The following ARHGAP22 variants were observed in gnomAD, a reference collection of about 807,000 sequenced individuals.
The protein encoded by ARHGAP22 is Rho GTPase activating protein 22.
A neutral mutation model predicts 59.1 loss-of-function variants in ARHGAP22; 48 were observed. The observed-to-expected ratio is 0.81, with a 90% CI of 0.64 to 1.03. The LOEUF is 1.03. Among genes scored for constraint, ARHGAP22 ranks in the 50% least tolerant of loss-of-function variants. The pLI is 0.00. For missense variants in ARHGAP22, 1,015 were observed against 958.7 expected (o/e 1.06, Z -0.78); for synonymous variants, 445 against 416.4 (o/e 1.07, Z -0.84).
At chr10:48,471,502 G>A (rs2048223888) in intron 4 of ARHGAP22, among the ~76,000 whole-genome samples, 1 of 152,156 alleles carries the variant, frequency 6.6e-6, no homozygotes, top group Non-Finnish European at 1.5e-5. Flanking sequence ...CATCTCCACT[G>A]GTTTAATGAC....
chr10:48,596,343 G>T (rs2060065378), intron 1 of ARHGAP22, among the ~76,000 whole-genome samples: 1 of 152,206 alleles, frequency 6.6e-6, no homozygotes, highest in South Asian at 2.1e-4. Context: ...AGAGCTAACG[G>T]GGGACAGATG....
intron 3 of ARHGAP22, among the ~76,000 whole-genome samples, chr10:48,502,348 G>C (rs1589791105): frequency 6.6e-6 from 1 of 152,198 alleles, no homozygotes; most frequent in African/African-American, 2.4e-5. Context: ...TGTGGGAACA[G>C]CTGGGGAATG....
At position 48,604,937 on chromosome 10, in the gene ARHGAP22, T is replaced by G; in HGVS notation, c.-141A>C. On this transcript the variant is annotated 5_prime_UTR_variant, in exon 1 of 10. Coordinates refer to ENST00000249601, the MANE Select transcript of ARHGAP22 (RefSeq NM_021226.4). ...CGCTGGCGTCACCCGTCAGGCTCCC[T>G]CGGCTACCTCTCCTGGCTCCGGACG... is the stretch of plus-strand genomic sequence containing the variant. 1 of 1,545,702 alleles carries G rather than the reference T, an allele frequency of 6.5e-7. No homozygotes were observed. The highest frequency in any genetic ancestry group is 2.4e-5 in the East Asian group (1 of 41,326).
downstream of ARHGAP22, chr10:48,445,996 A>C: frequency 3.7e-6 from 1 of 266,872 alleles, no homozygotes. Flanking sequence ...TGTGTCCTGT[A>C]TTGCGAGGCA....
chr10:48,483,703 C>G lies in ARHGAP22; in HGVS notation c.323-3939G>C, dbSNP rs1381826255. Among the ~76,000 whole-genome samples the G allele has an allele frequency of 6.6e-5, 10 of 151,988 alleles. 2 individuals are homozygous for G. The highest frequency in any genetic ancestry group is 6.5e-4 in the Admixed American group (10 of 15,274). ...TTGTATGTCTTCTTTTGTGGAATGT[C>G]TATAGGATCCTTTGCCCACTTTTTA... On this transcript the variant is annotated intron_variant, in intron 3 of 9. Coordinates refer to ENST00000249601, the MANE Select transcript of ARHGAP22 (RefSeq NM_021226.4).
At chr10:48,454,562 C>A (rs773889460) in intron 6 of ARHGAP22, among the ~76,000 whole-genome samples, 1 of 152,134 alleles carries the variant, frequency 6.6e-6, no homozygotes, top group Non-Finnish European at 1.5e-5. Context: ...CGGGTGGGGA[C>A]GGGAGGGCTG....
intron 3 of ARHGAP22, among the ~76,000 whole-genome samples, chr10:48,554,019 G>A (rs1332250688): frequency 6.6e-6 from 1 of 152,136 alleles, no homozygotes; most frequent in Admixed American, 6.5e-5. Flanking sequence ...CTTTTCTCCT[G>A]GTTCCACAGT....
rs528378504 is a variant in ARHGAP22 at position 48,450,465 on chromosome 10, G to A, written c.1664C>T (p.Pro555Leu). 16 of 1,543,830 alleles carry A rather than the reference G, an allele frequency of 1.0e-5. No homozygotes were observed. In the East Asian group the frequency reaches 2.4e-4, roughly 23 times the overall value. ...TDWALEPSPL[P>L]SSSEDPKSLD... ...GGACTTGGGGTCCTCGCTGCTGCTG[G>A]GGAGCGGGGAGGGCTCCAGGGCCCA... Residue 555 changes from proline to leucine, a missense_variant, in exon 9 of 10, where the codon CCC becomes CTC. Pro to Leu is a moderately conservative substitution (Grantham distance 98). Coordinates refer to ENST00000249601, the MANE Select transcript of ARHGAP22 (RefSeq NM_021226.4).
intron 9 of ARHGAP22, among the ~76,000 whole-genome samples, chr10:48,447,107 G>C (rs111274487): frequency 0.082 from 12,499 of 152,152 alleles, 859 homozygotes; most frequent in Admixed American, 0.22. Context: ...TTCCCTTCCT[G>C]CTCTCCCGTC....
chr10:48,631,254 T>G (rs534806358), intron 1 of ARHGAP22, among the ~76,000 whole-genome samples: 1 of 152,346 alleles, frequency 6.6e-6, no homozygotes, highest in Non-Finnish European at 1.5e-5. Flanking sequence ...TAAAAGATAC[T>G]GATGTGTAGC....
chr10:48,479,830 A>C (rs551581698), intron 3 of ARHGAP22, 66 bp from the exon 4 acceptor site: 21 of 1,442,824 alleles, frequency 1.5e-5, no homozygotes, highest in Non-Finnish European at 1.9e-5. Flanking sequence ...CACCGCCGGC[A>C]CTAGTCAGCA....
At chr10:48,451,629 C>G in intron 8 of ARHGAP22, 1 of 685,786 alleles carries the variant, frequency 1.5e-6, no homozygotes, top group Non-Finnish European at 2.7e-6. Flanking sequence ...CACACACATA[C>G]AATTGCACAC....
chr10:48,431,375 T>C, the ARHGAP22 span: 1 of 741,202 alleles, frequency 1.3e-6, no homozygotes, highest in Non-Finnish European at 2.3e-6. Context: ...AAATCATTAT[T>C]ATTCCAGGCT....
At chr10:48,436,636 A>T in the ARHGAP22 span, 13 of 152,356 alleles carry the variant, frequency 8.5e-5, no homozygotes, top group African/African-American at 2.4e-4. Flanking sequence ...TTGGCATTTT[A>T]TTCATATATT....
intron 3 of ARHGAP22, among the ~76,000 whole-genome samples, chr10:48,505,364 T>C (rs2051996923): frequency 6.6e-6 from 1 of 152,230 alleles, no homozygotes; most frequent in Admixed American, 6.5e-5. Context: ...TCTGTAATTG[T>C]AAGCATCAAA....
intron 9 of ARHGAP22, among the ~76,000 whole-genome samples, chr10:48,446,887 C>T (rs778228920): frequency 9.2e-5 from 14 of 152,204 alleles, no homozygotes; most frequent in Admixed American, 2.6e-4. Context: ...TCCCTGGGTC[C>T]GCATTTGCCC....
In ARHGAP22 at chr10:48,544,645, G is replaced by T. The variant is rs75229181; in HGVS notation, c.322+10818C>A. On this transcript the variant is annotated intron_variant, in intron 3 of 9. Coordinates refer to ENST00000249601, the MANE Select transcript of ARHGAP22 (RefSeq NM_021226.4). ...ATTTAAGTATGTTTGGAATAACTTG[G>T]GTATGTGACTCTACTTTTCAATCAT... Among the ~76,000 whole-genome samples the T allele has an allele frequency of 1.1e-3, 167 of 152,224 alleles. 3 individuals are homozygous for T. In the East Asian group the frequency reaches 0.03, roughly 27 times the overall value.
intron 1 of ARHGAP22, among the ~76,000 whole-genome samples, chr10:48,588,141 G>T (rs2059538851): frequency 1.3e-5 from 2 of 152,298 alleles, no homozygotes; most frequent in South Asian, 4.2e-4. Flanking sequence ...CAGGCCTCCT[G>T]AGAGCTTCAC....
chr10:48,536,295 G>T (rs2055346689), intron 3 of ARHGAP22, among the ~76,000 whole-genome samples: 1 of 152,192 alleles, frequency 6.6e-6, no homozygotes, highest in Admixed American at 6.5e-5. Flanking sequence ...GAAATAGGGG[G>T]TTGAGCCTGT....
Sources: gnomAD v4.1 joint callset for allele counts (sites outside exome capture counted in the v4.1 genomes callset) on GRCh38, gnomAD v4.1.1 for gene constraint, MANE v1.5 for transcripts, NCBI Gene and HGNC (gene_info 2026-07-23, HGNC 2026-07-21) for gene names.